The following CCDC88A variants were observed in gnomAD, a reference collection of about 807,000 sequenced individuals.
CCDC88A encodes the protein girdin.
A neutral mutation model predicts 234.3 loss-of-function variants in CCDC88A; 54 were observed. The ratio of observed to expected loss-of-function variants is 0.23; its 90% CI spans 0.19 to 0.29. CCDC88A has a LOEUF of 0.29. Among genes scored for constraint, CCDC88A ranks in the 10% least tolerant of loss-of-function variants. The probability of loss-of-function intolerance (pLI) is 1.00; values close to 1 mark genes in which losing one functional copy is unlikely to be tolerated. For synonymous variants in CCDC88A, 753 were observed against 737.8 expected (o/e 1.02, Z -0.33); for missense variants, 1,832 against 2,123.4 (o/e 0.86, Z 2.70).
intron 18 of CCDC88A, chr2:55,320,773 A>C (rs1683522120): frequency 6.6e-6 from 1 of 152,140 alleles, no homozygotes; most frequent in Non-Finnish European, 1.5e-5. Flanking sequence ...TCCAATGTTA[A>C]TATGGAAAGA....
intron 17 of CCDC88A, among the ~76,000 whole-genome samples, chr2:55,324,647 C>G (rs1358234166): frequency 6.7e-6 from 1 of 148,778 alleles, no homozygotes; most frequent in Non-Finnish European, 1.5e-5. Context: ...TTATCACCTT[C>G]TTTTTCTTTT....
In CCDC88A at chr2:55,317,565, G is replaced by A. The variant is rs762374538; in HGVS notation, c.3601C>T (p.Arg1201Cys). 18 of 1,529,718 alleles carry A rather than the reference G, an allele frequency of 1.2e-5. No homozygotes were observed. Among genetic ancestry groups the A allele is most frequent in the Admixed American group, 6.1e-5 (3 of 49,410 alleles). 94.8% of individuals were successfully genotyped at this position (1,529,718 alleles called of 1,614,324 possible). A position where few individuals can be genotyped will look rare whatever the true frequency, so the allele number is the denominator to read the frequency against. The change falls in exon 20 of 33, where the codon CGT (arginine) becomes TGT (cysteine). Residue 1201 changes from arginine (R) to cysteine (C), a missense_variant and splice_region_variant. This residue lies in a region of CCDC88A where 1,282 missense variants were observed against 1,543.6 expected (regional missense o/e 0.83). Coordinates refer to ENST00000436346, the MANE Select transcript of CCDC88A (RefSeq NM_001365480.1). This position sits in a 1 kb window ranked among gnomAD's most constrained non-coding sequence, Gnocchi z 4.2. ...GTACAACAAAATATAATAAATTACC[G>A]GTCTTCAAGGTCTCTATGTTCCACC... ...LEVEHRDLED[R>C]YNQLLKQKGQ...
Position 55,419,532 on chromosome 2 carries a change from GAC to G in CCDC88A, c.-455_-454del. 2.1e-5 allele frequency: 3 copies of G among 139,750 alleles called. No individual in the cohort carries two copies. Among genetic ancestry groups the G allele is most frequent in the Admixed American group, 7.0e-5 (1 of 14,274 alleles). 8.7% of individuals were successfully genotyped at this position (139,750 alleles called of 1,614,324 possible). ...AGGATACCGAGGCGCCACCAGACTC[GAC>G]CTCGGCGTTCCGACCTCTACACGTT... On this transcript the variant is annotated 5_prime_UTR_variant, in exon 1 of 33. Transcript: ENST00000436346.
intron 8 of CCDC88A, among the ~76,000 whole-genome samples, chr2:55,355,139 A>C (rs894855334): frequency 1.3e-5 from 2 of 152,030 alleles, no homozygotes; most frequent in African/African-American, 4.8e-5. Flanking sequence ...TACATATACA[A>C]AACTATTTTT....
chr2:55,393,664 G>C lies in CCDC88A; in HGVS notation c.165-4778C>G, dbSNP rs1677070221. ...TCAAAACTTAGTTTACTCAGTTCAT[G>C]TTCTTGGGTTTTCTAGGTTAAAAAA... On this transcript the variant is annotated intron_variant, in intron 2 of 32. Coordinates refer to ENST00000436346, the MANE Select transcript of CCDC88A (RefSeq NM_001365480.1). 1.3e-5 allele frequency among the ~76,000 whole-genome samples: 2 copies of C among 151,786 alleles called. 1 individual carries two copies. Among genetic ancestry groups the C allele is most frequent in the Non-Finnish European group, 2.9e-5 (2 of 67,982 alleles).
intron 3 of CCDC88A, among the ~76,000 whole-genome samples, chr2:55,388,203 A>T (rs1284632373): frequency 1.3e-5 from 2 of 152,236 alleles, no homozygotes; most frequent in Non-Finnish European, 2.9e-5. Context: ...TTTGACCAAA[A>T]ATCAAAAGCA....
chr2:55,320,585 C>CA (rs1361865465), intron 18 of CCDC88A, among the ~76,000 whole-genome samples: 10 of 151,996 alleles, frequency 6.6e-5, no homozygotes, highest in African/African-American at 2.2e-4. Context: ...GCTCAATTTT[C>CA]TAAAATGTAA....
intron 2 of CCDC88A, among the ~76,000 whole-genome samples, chr2:55,396,986 A>G (rs1454038304): frequency 6.6e-6 from 1 of 151,860 alleles, no homozygotes; most frequent in Non-Finnish European, 1.5e-5. Context: ...CTGTTTTCAC[A>G]TGAGTAATCA....
At chr2:55,350,643 T>C (rs1669759376) in intron 8 of CCDC88A, 1 of 149,090 alleles carries the variant, frequency 6.7e-6, no homozygotes, top group Non-Finnish European at 1.5e-5. Flanking sequence ...TTATTTAAAA[T>C]ATATTATTAA....
At chr2:55,301,073 G>A in intron 28 of CCDC88A, 133 bp downstream of exon 28, 1 of 618,326 alleles carries the variant, frequency 1.6e-6, no homozygotes, top group South Asian at 1.9e-5. Context: ...AGAAATGGTA[G>A]AGGTAACTAT....
intron 3 of CCDC88A, among the ~76,000 whole-genome samples, chr2:55,387,198 A>AAAAAAAAAC: frequency 6.6e-6 from 1 of 150,992 alleles, no homozygotes. Flanking sequence ...AAAAAAAAAA[A>AAAAAAAAAC]AAGAAACATT....
At chr2:55,414,435 CTACAGCG>C (rs1240069862) in intron 2 of CCDC88A, among the ~76,000 whole-genome samples, 1 of 152,200 alleles carries the variant, frequency 6.6e-6, no homozygotes, top group African/African-American at 2.4e-5. Flanking sequence ...GGAAAATGCC[CTACAGCG>C]TACAGAAGAG....
At chr2:55,376,075 T>C (rs1409674818) in intron 3 of CCDC88A, among the ~76,000 whole-genome samples, 1 of 152,192 alleles carries the variant, frequency 6.6e-6, no homozygotes, top group Non-Finnish European at 1.5e-5. Context: ...TTCTTTCTAA[T>C]TCTTCAATTT....
At chr2:55,323,410 AC>A (rs1485562011) in intron 17 of CCDC88A, 1 of 152,158 alleles carries the variant, frequency 6.6e-6, no homozygotes, top group African/African-American at 2.4e-5. Context: ...AAAGCCTATG[AC>A]TCAACAATTA....
At chr2:55,413,198 A>G (rs1040663422) in intron 2 of CCDC88A, among the ~76,000 whole-genome samples, 1 of 152,132 alleles carries the variant, frequency 6.6e-6, no homozygotes. Flanking sequence ...ACAGAGTGAG[A>G]TCCTGTCTCA....
At chr2:55,299,250 C>G (rs534494116) in intron 29 of CCDC88A, among the ~76,000 whole-genome samples, 1 of 152,232 alleles carries the variant, frequency 6.6e-6, no homozygotes, top group East Asian at 1.9e-4. Flanking sequence ...GGCAGTATAT[C>G]TTTAAGAAAA....
intron 32 of CCDC88A, 182 bp downstream of exon 32, chr2:55,291,494 T>G: frequency 2.6e-6 from 1 of 386,100 alleles, no homozygotes; most frequent in Non-Finnish European, 4.6e-6. Context: ...TTCCTTGCGC[T>G]GACAGGTAAA....
In CCDC88A at chr2:55,317,886, T is replaced by A. The variant is rs1683167909; in HGVS notation, c.3325-45A>T. ...TATCAGACATAAGAAAAACAGTTCA[T>A]GTTCTTTTTCAAAATACAAGATTAC... is the stretch of plus-strand genomic sequence containing the variant. On this transcript the variant is annotated intron_variant, in intron 19 of 32. Transcript: ENST00000436346. The surrounding 1 kb of genome is among the most constrained non-coding windows in gnomAD (Gnocchi z 4.2). 1 of 1,324,606 alleles carries A rather than the reference T, an allele frequency of 7.5e-7. No individual in the cohort carries two copies. The allele number at this position is 1,324,606 out of a possible 1,614,324, so 82.1% of individuals were successfully genotyped here.
At position 55,288,990 on chromosome 2, in the gene CCDC88A, A is replaced by G. The variant is rs886227118; in HGVS notation, c.*2210T>C. ...ATGGTATGAAAAAAGTGTGATGAATATAATTGAGATTATTCATATTTTTGT... is the reference window on the plus strand; with the variant it reads ...ATGGTATGAAAAAAGTGTGATGAATGTAATTGAGATTATTCATATTTTTGT... On this transcript the variant is annotated 3_prime_UTR_variant, in exon 33 of 33. Coordinates refer to ENST00000436346, the MANE Select transcript of CCDC88A (RefSeq NM_001365480.1). The G allele has an allele frequency of 6.6e-6, 1 of 152,406 alleles. No homozygotes were observed. Among genetic ancestry groups the G allele is most frequent in the African/African-American group, 2.4e-5 (1 of 41,456 alleles). The allele number at this position is 152,406 out of a possible 1,614,324, so 9.4% of individuals were successfully genotyped here.
Sources: allele counts gnomAD v4.1 joint callset (sites outside exome capture counted in the v4.1 genomes callset), GRCh38; gene constraint gnomAD v4.1.1; regional missense constraint gnomAD v4.1.1; non-coding constraint Gnocchi (gnomAD v3.1); transcripts MANE v1.5; gene names NCBI Gene and HGNC (gene_info 2026-07-23, HGNC 2026-07-21).